Variants in PHEX observed in about 807,000 individuals in gnomAD.
PHEX encodes phosphate-regulating neutral endopeptidase PHEX.
Under a neutral mutation model 68.0 loss-of-function variants are expected in PHEX, and 16 were observed. The ratio of observed to expected loss-of-function variants is 0.24; its 90% CI spans 0.16 to 0.36. PHEX has a LOEUF of 0.36. Among genes scored for constraint, PHEX ranks in the 10% least tolerant of loss-of-function variants. The pLI is 1.00. For missense variants in PHEX, 480 were observed against 575.5 expected (o/e 0.83, Z 1.70); for synonymous variants, 208 against 205.1 (o/e 1.01, Z -0.12).
At chrX:22,195,151 C>T (rs1475161628) in intron 15 of PHEX, among the ~76,000 whole-genome samples, 1 of 111,760 alleles carries the variant, frequency 8.9e-6, no homozygotes, top group Non-Finnish European at 1.9e-5. Flanking sequence ...TTTAATGAGA[C>T]GAATTTGTAA....
chrX:22,194,277 A>C (rs1000698553), intron 15 of PHEX, among the ~76,000 whole-genome samples: 1 of 111,974 alleles, frequency 8.9e-6, no homozygotes, highest in Non-Finnish European at 1.9e-5. Flanking sequence ...TCTCATTGTA[A>C]ATTACATTCC....
chrX:22,108,210 T>C (rs1301712655), intron 9 of PHEX, among the ~76,000 whole-genome samples: 1 of 111,919 alleles, frequency 8.9e-6, no homozygotes, highest in Non-Finnish European at 1.9e-5. Flanking sequence ...TGCTGATTAG[T>C]GCAGTGGTGT....
intron 20 of PHEX, among the ~76,000 whole-genome samples, chrX:22,230,728 G>T (rs1935702287): frequency 8.9e-6 from 1 of 111,767 alleles, no homozygotes; most frequent in African/African-American, 3.3e-5. Context: ...TGCAAACAGA[G>T]ACAGTTTGAC....
intron 15 of PHEX, among the ~76,000 whole-genome samples, chrX:22,191,800 TA>T (rs1934206801): frequency 8.9e-6 from 1 of 111,921 alleles, no homozygotes; most frequent in African/African-American, 3.3e-5. Flanking sequence ...AAAAGCAAAA[TA>T]ACCTACATAT....
At chrX:22,215,343 A>T (rs1381611691) in intron 16 of PHEX, among the ~76,000 whole-genome samples, 1 of 111,752 alleles carries the variant, frequency 8.9e-6, no homozygotes, top group Admixed American at 9.5e-5. Context: ...GTCATGGTCC[A>T]GTGAGATGGC....
chrX:22,114,973 G>T (rs1931169938), intron 11 of PHEX, among the ~76,000 whole-genome samples: 1 of 111,660 alleles, frequency 9.0e-6, no homozygotes, highest in Non-Finnish European at 1.9e-5. Flanking sequence ...TGGAGAAAAG[G>T]GTGTATTTTT....
rs778017024 is a variant in PHEX at position 22,041,241 on chromosome X, A to ATCTCTCTCTCTC, written c.187+2718_187+2729dup. Among the ~76,000 whole-genome samples, 21 of 51,137 alleles carry ATCTCTCTCTCTC rather than the reference A, an allele frequency of 4.1e-4. 1 individual carries two copies. Among genetic ancestry groups the ATCTCTCTCTCTC allele is most frequent in the African/African-American group, 1.2e-3 (13 of 10,557 alleles). 44.4% of individuals were successfully genotyped at this position (51,137 alleles called of 115,157 possible). ...TCTTTTTTTGTTCCATTCTTAAGTG[A>ATCTCTCTCTCTC]TCTCTCTCTCTCTCTCTCTCTCTCT... is the stretch of plus-strand genomic sequence containing the variant. On this transcript the variant is annotated intron_variant, in intron 2 of 21. Coordinates refer to ENST00000379374, the MANE Select transcript of PHEX (RefSeq NM_000444.6).
chrX:22,054,456 CA>C (rs1258372734), intron 3 of PHEX, among the ~76,000 whole-genome samples: 2 of 111,939 alleles, frequency 1.8e-5, no homozygotes, highest in Non-Finnish European at 3.8e-5. Context: ...TTCTTTGAAA[CA>C]AGTAATATCA....
At chrX:22,219,764 A>G (rs770184385) in intron 17 of PHEX, among the ~76,000 whole-genome samples, 1 of 111,070 alleles carries the variant, frequency 9.0e-6, no homozygotes, top group South Asian at 3.9e-4. Context: ...GATTACGGGC[A>G]CGTGCCACTA....
At chrX:22,085,925 T>G (rs138705846) in intron 5 of PHEX, among the ~76,000 whole-genome samples, 2,037 of 112,035 alleles carry the variant, frequency 0.018, 61 homozygotes, top group African/African-American at 0.063. Context: ...TATTGCAGTC[T>G]CCCTCTCCCT....
chrX:22,051,086 A>G lies in PHEX; in HGVS notation c.349+3875A>G, dbSNP rs146504605. ...TGTGTTTCTATGCTCTGGGAAAGAC[A>G]TAATTCAATAAATCCCAAGTTACTC... On this transcript the variant is annotated intron_variant, in intron 3 of 21. Transcript: ENST00000379374. 3.4e-3 allele frequency among the ~76,000 whole-genome samples: 382 copies of G among 112,272 alleles called. 3 individuals are homozygous for G. The highest frequency in any genetic ancestry group is 0.012 in the African/African-American group (359 of 30,892).
At chrX:22,066,032 G>A (rs951694197) in intron 3 of PHEX, among the ~76,000 whole-genome samples, 1 of 112,267 alleles carries the variant, frequency 8.9e-6, no homozygotes, top group Non-Finnish European at 1.9e-5. Flanking sequence ...AGCCCAGTGT[G>A]ATTGGAGCTC....
At chrX:22,075,791 T>C (rs1161658246) in intron 3 of PHEX, among the ~76,000 whole-genome samples, 1 of 112,204 alleles carries the variant, frequency 8.9e-6, no homozygotes, top group African/African-American at 3.2e-5. Flanking sequence ...TGTTTAGGAC[T>C]TTGCATGTGT....
chrX:22,242,787 A>C (rs1936264619), intron 20 of PHEX, among the ~76,000 whole-genome samples: 1 of 112,149 alleles, frequency 8.9e-6, no homozygotes, highest in Non-Finnish European at 1.9e-5. Context: ...AGAGGACACA[A>C]ACAAATGGAA....
At chrX:22,119,082 G>A (rs1237322187) in intron 11 of PHEX, among the ~76,000 whole-genome samples, 13 of 111,143 alleles carry the variant, frequency 1.2e-4, no homozygotes, top group African/African-American at 3.9e-4. Context: ...TTTGAGACAG[G>A]GTCTCACTCT....
At chrX:22,099,507 C>CT (rs76234507) in intron 9 of PHEX, 7,646 of 143,232 alleles carry the variant, frequency 0.053, 157 homozygotes, top group African/African-American at 0.12. Flanking sequence ...TCTTTTGCTG[C>CT]TTTTTTTTTT....
intron 16 of PHEX, among the ~76,000 whole-genome samples, chrX:22,215,770 G>A (rs1263422801): frequency 9.1e-6 from 1 of 110,428 alleles, no homozygotes; most frequent in African/African-American, 3.3e-5. Flanking sequence ...ACCATCCTTC[G>A]AAATGCAGAG....
rs886560421 is a variant in PHEX at position 22,076,426 on chromosome X, G to A, written c.388G>A (p.Glu130Lys). The change falls in exon 4 of 22, where the codon GAA becomes AAA. Residue 130 changes from glutamate to lysine, a missense_variant. Physicochemically the swap from Glu to Lys is moderately conservative, Grantham distance 56. Coordinates refer to ENST00000379374, the MANE Select transcript of PHEX (RefSeq NM_000444.6). ...EKSISRRRDTEAIQKAKILYS... is the reference protein window; with the variant it reads ...EKSISRRRDTKAIQKAKILYS... ...ATCAATCAGTAGAAGGCGGGACACCGAAGCCATACAGAAAGCCAAAATCCT... is the reference window on the plus strand; with the variant it reads ...ATCAATCAGTAGAAGGCGGGACACCAAAGCCATACAGAAAGCCAAAATCCT... 7 of 1,208,773 alleles carry A rather than the reference G, an allele frequency of 5.8e-6. No homozygotes were observed. The highest frequency in any genetic ancestry group is 7.8e-6 in the Non-Finnish European group (7 of 892,719).
intron 5 of PHEX, among the ~76,000 whole-genome samples, chrX:22,078,245 C>A (rs1929246817): frequency 8.9e-6 from 1 of 112,060 alleles, no homozygotes; most frequent in Admixed American, 9.5e-5. Context: ...GAAGACTAAC[C>A]ATGTCTCCCA....
Sources: allele counts gnomAD v4.1 joint callset (sites outside exome capture counted in the v4.1 genomes callset), GRCh38; gene constraint gnomAD v4.1.1; transcripts MANE v1.5; gene names NCBI Gene and HGNC (gene_info 2026-07-23, HGNC 2026-07-21).